MED6: variants seen among roughly 807,000 people sequenced by gnomAD.
MED6 encodes the protein mediator of RNA polymerase II transcription subunit 6.
MED6 carries 33 observed loss-of-function variants against 37.5 expected under a neutral mutation model. That is an observed-to-expected ratio of 0.88 (90% CI 0.67 to 1.18). MED6 has a LOEUF of 1.18. MED6 is among the 50% of genes most tolerant of loss of function. The pLI is 0.00. For missense variants in MED6, 235 were observed against 290.6 expected (o/e 0.81, Z 1.39); for synonymous variants, 94 against 93.6 (o/e 1.00, Z -0.02).
rs1285553672 is a variant in MED6, at chr14:70,591,682, T to C, written c.467-301A>G. On this transcript the variant is annotated intron_variant, in intron 5 of 7. Transcript: ENST00000256379. ...TTTTAAAGCTAAAGTTTTTCATAATTACCTAAATCACACAATCCAAATTAT... is the reference window on the plus strand; with the variant it reads ...TTTTAAAGCTAAAGTTTTTCATAATCACCTAAATCACACAATCCAAATTAT... The C allele has an allele frequency of 2.3e-5, 5 of 214,140 alleles. No individual in the cohort carries two copies. In the East Asian group the frequency reaches 5.7e-4, roughly 24 times the overall value. The allele number at this position is 214,140 out of a possible 1,614,324, so 13.3% of individuals were successfully genotyped here.
At chr14:70,595,892 A>G in intron 3 of MED6, 3 of 555,388 alleles carry the variant, frequency 5.4e-6, no homozygotes, top group East Asian at 3.5e-5. Context: ...AGGTCAAAAA[A>G]CAAAACAAAA....
intron 6 of MED6, 105 bp downstream of exon 6, chr14:70,591,161 A>C: frequency 1.1e-6 from 1 of 869,660 alleles, no homozygotes; most frequent in East Asian, 2.8e-5. Context: ...ACTAATGAGG[A>C]AAATTGTACT....
chr14:70,593,028 C>T (rs373994287), intron 4 of MED6, 40 bp from the exon 5 acceptor site: 55 of 1,609,218 alleles, frequency 3.4e-5, no homozygotes, highest in African/African-American at 1.3e-4. Flanking sequence ...ATCATTAGGT[C>T]GACCAAACTT....
chr14:70,583,766 G>C lies in MED6; in HGVS notation c.*1047C>G, dbSNP rs2139583299. 4.4e-6 allele frequency: 1 copy of C among 226,844 alleles called. No individual in the cohort carries two copies. 14.1% of individuals were successfully genotyped at this position (226,844 alleles called of 1,614,324 possible). A position where few individuals can be genotyped will look rare whatever the true frequency, so the allele number is the denominator to read the frequency against. On this transcript the variant is annotated 3_prime_UTR_variant, in exon 8 of 8. Coordinates refer to ENST00000256379, the MANE Select transcript of MED6 (RefSeq NM_005466.4). ...AAAAGCTTACAACAGATATAATAAA[G>C]TAAAATTGTACGAAAGGAATGATTA...
chr14:70,584,941 C>A lies in MED6; in HGVS notation c.613G>T (p.Asp205Tyr). 1 of 1,612,350 alleles carries A rather than the reference C, an allele frequency of 6.2e-7. No homozygotes were observed. Among genetic ancestry groups the A allele is most frequent in the Non-Finnish European group, 8.5e-7 (1 of 1,179,590 alleles). Reference sequence around the variant, plus strand: ...GGTTCTGCCTCTTTCTTTGTTTGATCCACTAGATATCAAAAGTAGATTTTT... The same window carrying A: ...GGTTCTGCCTCTTTCTTTGTTTGATACACTAGATATCAAAAGTAGATTTTT... ...LKPGEKPVPVDQTKKEAEPIP... is the reference protein window; with the variant it reads ...LKPGEKPVPVYQTKKEAEPIP... The change falls in exon 8 of 8, where the codon GAT becomes TAT. Residue 205 changes from aspartate (D) to tyrosine (Y), a missense_variant and splice_region_variant. Asp to Tyr is a radical substitution (Grantham distance 160, BLOSUM62 -3). Coordinates refer to ENST00000256379, the MANE Select transcript of MED6 (RefSeq NM_005466.4).
chr14:70,590,052 A>G (rs562893381), intron 6 of MED6, among the ~76,000 whole-genome samples: 1 of 152,352 alleles, frequency 6.6e-6, no homozygotes, highest in East Asian at 1.9e-4. Flanking sequence ...AACTACTGAG[A>G]TATTTTACAT....
At chr14:70,597,979 G>T in intron 1 of MED6, 1 of 383,992 alleles carries the variant, frequency 2.6e-6, no homozygotes, top group Non-Finnish European at 4.5e-6. Flanking sequence ...AAGACATGGT[G>T]AAACCCTGTC....
chr14:70,585,008 A>G, intron 7 of MED6, 65 bp from the exon 8 acceptor site: 2 of 1,515,128 alleles, frequency 1.3e-6, no homozygotes, highest in Non-Finnish European at 1.8e-6. Flanking sequence ...TAAATGGTTA[A>G]TATGAATGGC....
Position 70,584,950 on chromosome 14 carries a change from AT to A in MED6, c.611-8del. On this transcript the variant is annotated splice_polypyrimidine_tract_variant and splice_region_variant and intron_variant, in intron 7 of 7. Coordinates refer to ENST00000256379, the MANE Select transcript of MED6 (RefSeq NM_005466.4). Reference sequence around the variant, plus strand: ...TCTTTCTTTGTTTGATCCACTAGATATCAAAAGTAGATTTTTTGGGAGGGAG... The same window carrying A: ...TCTTTCTTTGTTTGATCCACTAGATACAAAAGTAGATTTTTTGGGAGGGAG... 6.2e-7 allele frequency: 1 copy of A among 1,611,312 alleles called. No homozygotes were observed. Among genetic ancestry groups the A allele is most frequent in the African/African-American group, 1.3e-5 (1 of 74,734 alleles).
At position 70,593,052 on chromosome 14, in the gene MED6, C is replaced by T. The variant is rs567069210; in HGVS notation, c.358-64G>A. On this transcript the variant is annotated intron_variant, in intron 4 of 7. Transcript: ENST00000256379. ...TCGACCAAACTTTCCAAAGTAAATA[C>T]TCACAAAATATTACATATGCAAAGA... The T allele has an allele frequency of 2.2e-4, 358 of 1,595,780 alleles. 6 individuals are homozygous for T. The South Asian group carries it at 3.8e-3, about 17-fold the overall frequency.
At chr14:70,585,050 T>C in intron 7 of MED6, 107 bp from the exon 8 acceptor site, 1 of 1,278,744 alleles carries the variant, frequency 7.8e-7, no homozygotes, top group Non-Finnish European at 1.1e-6. Flanking sequence ...TAACTGCTTA[T>C]CTCAAGTTCT....
intron 4 of MED6, 127 bp downstream of exon 4, chr14:70,593,169 A>T (rs532605219): frequency 3.3e-6 from 4 of 1,206,078 alleles, no homozygotes; most frequent in Non-Finnish European, 4.7e-6. Flanking sequence ...ACCAAAGTTC[A>T]AGACATTCTA....
chr14:70,595,581 C>G, intron 3 of MED6: 1 of 719,380 alleles, frequency 1.4e-6, no homozygotes, highest in Non-Finnish European at 2.5e-6. Context: ...GGAGTTGGAG[C>G]TGGCACAGGC....
intron 6 of MED6, among the ~76,000 whole-genome samples, chr14:70,589,154 G>A (rs989081414): frequency 1.3e-5 from 2 of 152,150 alleles, no homozygotes; most frequent in Non-Finnish European, 2.9e-5. Flanking sequence ...CTGAATTTTA[G>A]TTAATAATAC....
intron 5 of MED6, chr14:70,592,454 C>T (rs921120147): frequency 6.4e-6 from 1 of 156,168 alleles, no homozygotes; most frequent in African/African-American, 2.5e-5. Flanking sequence ...CTGCTCATTC[C>T]ACACCACTGT....
chr14:70,585,373 A>T (rs1162117652), intron 7 of MED6, among the ~76,000 whole-genome samples: 1 of 150,750 alleles, frequency 6.6e-6, no homozygotes, highest in East Asian at 1.9e-4. Flanking sequence ...TACCACAATC[A>T]CTACCACAAT....
rs940308981 is a variant in MED6, at chr14:70,600,632, C to T, written c.6G>A (p.Ala2=). 4 of 1,613,052 alleles carry T rather than the reference C, an allele frequency of 2.5e-6. No homozygotes were observed. The highest frequency in any genetic ancestry group is 1.3e-5 in the African/African-American group (1 of 74,464). The change falls in exon 1 of 8, where the codon GCG becomes GCA. Residue 2 remains alanine (A), a synonymous_variant. Coordinates refer to ENST00000256379, the MANE Select transcript of MED6 (RefSeq NM_005466.4). ...ACAGTATACCTCGGATATCCACCGC[C>T]GCCATAATTCCGAGAGCGTTTACAG... The part of the protein sequence containing the change: M[A]AVDIRDNLLG...
At chr14:70,596,405 T>G in intron 3 of MED6, 1 of 466,920 alleles carries the variant, frequency 2.1e-6, no homozygotes, top group East Asian at 3.3e-5. Flanking sequence ...TCTGGCTGCG[T>G]ACCCTTACTG....
intron 7 of MED6, among the ~76,000 whole-genome samples, 195 bp from the exon 8 acceptor site, chr14:70,585,138 A>G (rs1884666428): frequency 6.6e-6 from 1 of 152,240 alleles, no homozygotes; most frequent in Non-Finnish European, 1.5e-5. Flanking sequence ...CAAGGAAATT[A>G]ATGATACTAG....
Sources: allele counts gnomAD v4.1 joint callset (sites outside exome capture counted in the v4.1 genomes callset), GRCh38; gene constraint gnomAD v4.1.1; transcripts MANE v1.5; gene names NCBI Gene and HGNC (gene_info 2026-07-23, HGNC 2026-07-21).